AKAP6: variants seen among roughly 807,000 people sequenced by gnomAD.
The protein encoded by AKAP6 is A-kinase anchoring protein 6, also known as A-kinase anchor protein 6.
A neutral mutation model predicts 188.5 loss-of-function variants in AKAP6; 58 were observed. The observed-to-expected ratio is 0.31, with a 90% CI of 0.25 to 0.38. The LOEUF is 0.38. Among genes scored for constraint, AKAP6 ranks in the 10% least tolerant of loss-of-function variants. The pLI is 1.00. For missense variants in AKAP6, 2,710 were observed against 2,740.0 expected (o/e 0.99, Z 0.24); for synonymous variants, 989 against 998.6 (o/e 0.99, Z 0.18).
At chr14:32,408,023 G>A (rs140390359) in intron 1 of AKAP6, among the ~76,000 whole-genome samples, 1 of 152,178 alleles carries the variant, frequency 6.6e-6, no homozygotes. Flanking sequence ...GGGGATGTCA[G>A]AATCTTCCAT....
chr14:32,695,948 A>G, intron 8 of AKAP6, 42 bp from the exon 9 acceptor site: 3 of 1,585,214 alleles, frequency 1.9e-6, no homozygotes, highest in Non-Finnish European at 1.7e-6. Flanking sequence ...TTTAACAACT[A>G]CACTGTATTT....
In AKAP6 at chr14:32,493,711, C is replaced by G. The variant is rs150737163; in HGVS notation, c.325-41843C>G. Among the ~76,000 whole-genome samples, 45 of 152,268 alleles carry G rather than the reference C, an allele frequency of 3.0e-4. No homozygotes were observed. The East Asian group carries it at 5.4e-3, about 18-fold the overall frequency. Reference sequence around the variant, plus strand: ...GGGGGTAGCTTGCTGAACCCAGAAGCAAGCTATGTGTGCTCCATTGATTCT... The same window carrying G: ...GGGGGTAGCTTGCTGAACCCAGAAGGAAGCTATGTGTGCTCCATTGATTCT... On this transcript the variant is annotated intron_variant, in intron 2 of 13. Transcript: ENST00000280979.
intron 7 of AKAP6, among the ~76,000 whole-genome samples, chr14:32,672,377 A>C (rs1889241429): frequency 6.6e-6 from 1 of 152,212 alleles, no homozygotes; most frequent in South Asian, 2.1e-4. Context: ...TAAACAGCAG[A>C]AATTATTTCT....
At chr14:32,536,947 A>G (rs1230873765) in intron 3 of AKAP6, among the ~76,000 whole-genome samples, 1 of 152,158 alleles carries the variant, frequency 6.6e-6, no homozygotes, top group Non-Finnish European at 1.5e-5. Context: ...TTAGTGTTCT[A>G]CTATTAGTTT....
At chr14:32,730,902 A>T (rs1335267561) in intron 9 of AKAP6, among the ~76,000 whole-genome samples, 1 of 152,144 alleles carries the variant, frequency 6.6e-6, no homozygotes. Flanking sequence ...TCAAGTGGAC[A>T]GTGTGTTTCC....
At chr14:32,540,802 TTTC>T (rs1882912543) in intron 3 of AKAP6, among the ~76,000 whole-genome samples, 1 of 152,194 alleles carries the variant, frequency 6.6e-6, no homozygotes, top group African/African-American at 2.4e-5. Context: ...AGAACTTTCT[TTTC>T]TTACAATTGC....
At chr14:32,350,328 C>T (rs1489234346) in intron 1 of AKAP6, among the ~76,000 whole-genome samples, 1 of 152,166 alleles carries the variant, frequency 6.6e-6, no homozygotes, top group African/African-American at 2.4e-5. Context: ...TGGTATTCTT[C>T]TCAAATATCC....
At chr14:32,495,426 A>G (rs534724029) in intron 2 of AKAP6, 1 of 152,322 alleles carries the variant, frequency 6.6e-6, no homozygotes, top group African/African-American at 2.4e-5. Flanking sequence ...TTTATCTGGC[A>G]TTCCTTATAA....
rs552369632 is a variant in AKAP6 at position 32,486,757 on chromosome 14, T to A, written c.325-48797T>A. Among the ~76,000 whole-genome samples the A allele has an allele frequency of 7.9e-5, 12 of 152,348 alleles. No individual in the cohort carries two copies. The East Asian group carries it at 2.3e-3, about 29-fold the overall frequency. On this transcript the variant is annotated intron_variant, in intron 2 of 13. Transcript: ENST00000280979. ...TTTCTAAATATACAAACATGTCATCTGTAAACAGAGATAATTTGACTTCCT... is the reference window on the plus strand; with the variant it reads ...TTTCTAAATATACAAACATGTCATCAGTAAACAGAGATAATTTGACTTCCT...
At chr14:32,434,864 A>G (rs1021695354) in intron 2 of AKAP6, among the ~76,000 whole-genome samples, 1 of 152,164 alleles carries the variant, frequency 6.6e-6, no homozygotes, top group Non-Finnish European at 1.5e-5. Context: ...AAAGTGTTCA[A>G]ATGAGTGTGG....
intron 12 of AKAP6, among the ~76,000 whole-genome samples, chr14:32,800,757 G>A (rs1280427734): frequency 3.3e-5 from 5 of 152,122 alleles, no homozygotes; most frequent in Non-Finnish European, 7.4e-5. Context: ...GCTCATGCCT[G>A]TAATCCCAGC....
At chr14:32,766,643 G>T (rs529081761) in intron 11 of AKAP6, among the ~76,000 whole-genome samples, 8 of 152,210 alleles carry the variant, frequency 5.3e-5, no homozygotes, top group African/African-American at 1.9e-4. Context: ...GTATGTGTTT[G>T]CAGAAATGTC....
chr14:32,706,816 CT>C (rs1566658228), intron 9 of AKAP6, among the ~76,000 whole-genome samples: 1 of 151,978 alleles, frequency 6.6e-6, no homozygotes, highest in African/African-American at 2.4e-5. Context: ...CACAAACACA[CT>C]ACACACACAT....
At chr14:32,713,713 TA>T (rs2030022616) in intron 9 of AKAP6, among the ~76,000 whole-genome samples, 1 of 152,068 alleles carries the variant, frequency 6.6e-6, no homozygotes, top group African/African-American at 2.4e-5. Flanking sequence ...TTCATAGAAT[TA>T]AAATGAGTTA....
chr14:32,709,650 T>A (rs1890958721), intron 9 of AKAP6, among the ~76,000 whole-genome samples: 1 of 152,060 alleles, frequency 6.6e-6, no homozygotes, highest in Non-Finnish European at 1.5e-5. Context: ...GAATTTGTCC[T>A]CCATTAAAGA....
chr14:32,640,604 A>G (rs1887713192), intron 7 of AKAP6, among the ~76,000 whole-genome samples: 1 of 152,186 alleles, frequency 6.6e-6, no homozygotes, highest in South Asian at 2.1e-4. Context: ...CAGTTATTCA[A>G]CATGCCTCAC....
chr14:32,781,124 GA>G (rs1253091766), intron 12 of AKAP6, among the ~76,000 whole-genome samples: 10 of 151,050 alleles, frequency 6.6e-5, no homozygotes, highest in Non-Finnish European at 1.2e-4. Flanking sequence ...AAATAATAAA[GA>G]AAAAAATCAA....
chr14:32,582,779 A>G (rs1476070649), intron 5 of AKAP6, among the ~76,000 whole-genome samples: 1 of 152,106 alleles, frequency 6.6e-6, no homozygotes, highest in Non-Finnish European at 1.5e-5. Flanking sequence ...AGTTGATCGC[A>G]TCAGCTCCTG....
At chr14:32,423,355 G>T (rs1889916363) in intron 1 of AKAP6, among the ~76,000 whole-genome samples, 1 of 152,038 alleles carries the variant, frequency 6.6e-6, no homozygotes, top group South Asian at 2.1e-4. Context: ...ATTTTTGTGT[G>T]TGTGTGTGGA....
Sources: gnomAD v4.1 joint callset for allele counts (sites outside exome capture counted in the v4.1 genomes callset) on GRCh38, gnomAD v4.1.1 for gene constraint, MANE v1.5 for transcripts, NCBI Gene and HGNC (gene_info 2026-07-23, HGNC 2026-07-21) for gene names.